The following BAG4 variants were observed in gnomAD, a reference collection of about 807,000 sequenced individuals.
The protein encoded by BAG4 is BAG family molecular chaperone regulator 4.
BAG4 carries 28 observed loss-of-function variants against 52.1 expected under a neutral mutation model. The observed-to-expected ratio is 0.54, with a 90% CI of 0.40 to 0.74. The LOEUF (loss-of-function observed/expected upper bound fraction) is 0.74, where lower values mean the gene tolerates loss of function less well. Among genes scored for constraint, BAG4 ranks in the 30% least tolerant of loss-of-function variants. BAG4 has a pLI of 0.00. For missense variants in BAG4, 525 were observed against 572.0 expected (o/e 0.92, Z 0.84); for synonymous variants, 208 against 217.0 (o/e 0.96, Z 0.37).
At position 38,194,445 on chromosome 8, in the gene BAG4, C is replaced by G. The variant is rs1347351496; in HGVS notation, c.378+1650C>G. ...TTTTTTTTTTTTTTTGAGATAGAGT[C>G]TCACCCTGTCACCCAGGCTGGAGTG... is the stretch of plus-strand genomic sequence containing the variant. On this transcript the variant is annotated intron_variant, in intron 2 of 4. Coordinates refer to ENST00000287322, the MANE Select transcript of BAG4 (RefSeq NM_004874.4). 2.0e-4 allele frequency among the ~76,000 whole-genome samples: 23 copies of G among 115,590 alleles called. 1 individual carries two copies. The highest frequency in any genetic ancestry group is 7.8e-4 in the African/African-American group (23 of 29,412). The allele number at this position is 115,590 out of a possible 152,430, so 75.8% of individuals were successfully genotyped here.
At chr8:38,180,509 C>T (rs1273029356) in intron 1 of BAG4, among the ~76,000 whole-genome samples, 3 of 86,028 alleles carry the variant, frequency 3.5e-5, no homozygotes, top group African/African-American at 9.1e-5. Flanking sequence ...GGCAGCAAAG[C>T]GAGACTCCGT....
In BAG4 at chr8:38,210,210, G is replaced by A. The variant is rs777553174; in HGVS notation, c.1091G>A (p.Ser364Asn). The change falls in exon 5 of 5, where the codon AGT (serine) becomes AAT (asparagine). Residue 364 changes from serine (S) to asparagine (N), a missense_variant. By Grantham distance (46) the Ser-to-Asn change is conservative. Coordinates refer to ENST00000287322, the MANE Select transcript of BAG4 (RefSeq NM_004874.4). ...CCCAACAATCAAGATCAAAGTAGCA[G>A]TCTTCCTGAAGAATGTGTACCTTCA... The part of the protein sequence containing the change: ...DHPNNQDQSS[S>N]LPEECVPSDE... The A allele has an allele frequency of 6.2e-7, 1 of 1,614,176 alleles. No homozygotes were observed.
intron 1 of BAG4, among the ~76,000 whole-genome samples, chr8:38,183,251 G>C (rs1406986071): frequency 6.6e-6 from 1 of 151,858 alleles, no homozygotes; most frequent in East Asian, 1.9e-4. Context: ...GTTTCACCAT[G>C]TTAGCCAGGA....
intron 2 of BAG4, among the ~76,000 whole-genome samples, chr8:38,196,375 C>T (rs560478282): frequency 1.6e-4 from 25 of 152,108 alleles, no homozygotes; most frequent in Non-Finnish European, 2.9e-4. Flanking sequence ...TATTATAGGC[C>T]GGGCGCGGTG....
chr8:38,195,001 C>A (rs1314864807), intron 2 of BAG4, among the ~76,000 whole-genome samples: 1 of 151,114 alleles, frequency 6.6e-6, no homozygotes, highest in Non-Finnish European at 1.5e-5. Flanking sequence ...ACTACAGGCG[C>A]CCGCCACCAC....
chr8:38,180,722 G>A (rs926144854), intron 1 of BAG4, among the ~76,000 whole-genome samples: 7 of 151,784 alleles, frequency 4.6e-5, no homozygotes, highest in Non-Finnish European at 7.4e-5. Context: ...AGAAGCCTCG[G>A]TGTCACTTGT....
chr8:38,185,718 C>G (rs1356639760), intron 1 of BAG4, among the ~76,000 whole-genome samples: 1 of 152,136 alleles, frequency 6.6e-6, no homozygotes, highest in African/African-American at 2.4e-5. Context: ...GTATGTGTCA[C>G]CACACCCAGC....
At chr8:38,207,937 T>C (rs1803800160) in intron 3 of BAG4, among the ~76,000 whole-genome samples, 171 bp downstream of exon 3, 1 of 134,518 alleles carries the variant, frequency 7.4e-6, no homozygotes, top group South Asian at 2.2e-4. Flanking sequence ...AAATGGACTT[T>C]GGCTGAAGGT....
intron 1 of BAG4, among the ~76,000 whole-genome samples, 166 bp from the exon 2 acceptor site, chr8:38,192,522 C>T (rs964533746): frequency 1.3e-5 from 2 of 151,934 alleles, no homozygotes; most frequent in East Asian, 3.8e-4. Context: ...ATCCACCCAC[C>T]TCAGCCTCCG....
chr8:38,179,620 G>T (rs1160053270), intron 1 of BAG4, among the ~76,000 whole-genome samples: 1 of 151,764 alleles, frequency 6.6e-6, no homozygotes, highest in African/African-American at 2.4e-5. Flanking sequence ...ACAAAAATTA[G>T]CTGGGCATGG....
Position 38,209,251 on chromosome 8 carries a change from C to T in BAG4, c.872C>T (p.Pro291Leu), listed in dbSNP as rs550146149. Reference protein sequence around the residue: ...SGSPQSPPSPPVQQPKDSSYP... With the variant: ...SGSPQSPPSPLVQQPKDSSYP... ...TCTCCCCAGTCACCCCCTTCACCCC[C>T]AGTCCAGCAGCCCAAGGTAGGAGAC... The change falls in exon 4 of 5, where the codon CCA becomes CTA. Residue 291 changes from proline (P) to leucine (L), a missense_variant. By Grantham distance (98) the Pro-to-Leu change is moderately conservative. Around this residue, in one of 2 missense-constraint regions of BAG4, gnomAD observed 238 missense variants for 305.8 expected, o/e 0.78. Coordinates refer to ENST00000287322, the MANE Select transcript of BAG4 (RefSeq NM_004874.4). The T allele has an allele frequency of 1.2e-6, 2 of 1,614,196 alleles. No individual in the cohort carries two copies. The highest frequency in any genetic ancestry group is 1.3e-5 in the African/African-American group (1 of 75,052).
At chr8:38,207,386 G>A in intron 2 of BAG4, 126 bp from the exon 3 acceptor site, 1 of 1,060,132 alleles carries the variant, frequency 9.4e-7, no homozygotes, top group South Asian at 1.6e-5. Context: ...ACAGGCATGA[G>A]CCACTGTGCC....
intron 2 of BAG4, among the ~76,000 whole-genome samples, chr8:38,201,463 G>A (rs1803661167): frequency 6.6e-6 from 1 of 151,870 alleles, no homozygotes; most frequent in Admixed American, 6.6e-5. Context: ...AACCACACCT[G>A]GTTTAATTTT....
At chr8:38,186,253 C>T (rs190954853) in intron 1 of BAG4, among the ~76,000 whole-genome samples, 59 of 152,266 alleles carry the variant, frequency 3.9e-4, no homozygotes, top group African/African-American at 1.4e-3. Context: ...TTTACCCTTG[C>T]TTTTCAAGCC....
chr8:38,201,874 A>T (rs1376380683), intron 2 of BAG4: 129 of 4,648 alleles, frequency 0.028, 4 homozygotes, highest in Non-Finnish European at 0.04. Context: ...ATATATATAT[A>T]TATATATTTT....
At chr8:38,205,346 C>T (rs1290291323) in intron 2 of BAG4, among the ~76,000 whole-genome samples, 1 of 151,022 alleles carries the variant, frequency 6.6e-6, no homozygotes. Context: ...AGTCTGTGCG[C>T]CTAGCCATAA....
intron 3 of BAG4, among the ~76,000 whole-genome samples, chr8:38,208,776 C>A (rs1229996742): frequency 6.6e-6 from 1 of 152,000 alleles, no homozygotes; most frequent in Non-Finnish European, 1.5e-5. Flanking sequence ...ATTTTTAGGC[C>A]TTATTCCTTC....
chr8:38,210,383 G>C lies in BAG4; in HGVS notation c.1264G>C (p.Glu422Gln), dbSNP rs978650530. 2.8e-5 allele frequency: 45 copies of C among 1,614,040 alleles called. No individual in the cohort carries two copies. Among genetic ancestry groups the C allele is most frequent in the Non-Finnish European group, 3.7e-5 (44 of 1,180,044 alleles). The stretch of plus-strand genomic sequence containing the variant: ...AGAAATGCTAACCAAGGAACTTTTG[G>C]AACTGGATTCAGTTGAAACTGGGGG... ...LEEMLTKELL[E>Q]LDSVETGGQD... The change falls in exon 5 of 5, where the codon GAA (glutamate) becomes CAA (glutamine). Residue 422 changes from glutamate to glutamine, a missense_variant. Transcript: ENST00000287322.
chr8:38,197,315 A>G (rs747827286), intron 2 of BAG4, among the ~76,000 whole-genome samples: 5 of 152,224 alleles, frequency 3.3e-5, no homozygotes, highest in Non-Finnish European at 7.3e-5. Context: ...TACCTAGGCT[A>G]TATGGTATAG....
Sources: allele counts gnomAD v4.1 joint callset (sites outside exome capture counted in the v4.1 genomes callset), GRCh38; gene constraint gnomAD v4.1.1; regional missense constraint gnomAD v4.1.1; transcripts MANE v1.5; gene names NCBI Gene and HGNC (gene_info 2026-07-23, HGNC 2026-07-21).